The following GNG7 variants were observed in gnomAD, a reference collection of about 807,000 sequenced individuals.
The protein encoded by GNG7 is guanine nucleotide-binding protein G(I)/G(S)/G(O) subunit gamma-7.
GNG7 carries 1 observed loss-of-function variant against 4.0 expected under a neutral mutation model. The observed-to-expected ratio is 0.25, with a 90% CI of 0.09 to 1.18. GNG7 has a LOEUF of 1.18. Ranked by LOEUF, GNG7 falls within the 50% of genes most tolerant of loss-of-function variation. The pLI, the probability that GNG7 is intolerant of heterozygous loss-of-function variation, is 0.50. For missense variants in GNG7, 86 were observed against 91.9 expected (o/e 0.94, Z 0.26); for synonymous variants, 34 against 36.9 (o/e 0.92, Z 0.29).
At chr19:2,623,995 G>A (rs1322258156) in intron 2 of GNG7, among the ~76,000 whole-genome samples, 7 of 152,126 alleles carry the variant, frequency 4.6e-5, no homozygotes, top group Non-Finnish European at 1.0e-4. Flanking sequence ...CCTTTTGGCT[G>A]CTGTGAACAT....
chr19:2,583,139 T>G (rs987794136), intron 2 of GNG7, among the ~76,000 whole-genome samples: 26 of 152,108 alleles, frequency 1.7e-4, no homozygotes, highest in African/African-American at 4.8e-4. Context: ...AAATAGATAA[T>G]ATCCAGGGAT....
chr19:2,602,944 T>C (rs1282217572), intron 2 of GNG7, among the ~76,000 whole-genome samples: 1 of 149,936 alleles, frequency 6.7e-6, no homozygotes, highest in African/African-American at 2.5e-5. Flanking sequence ...CCTTTCTTCC[T>C]TTCTTTCTTT....
chr19:2,682,709 C>T (rs1480027861), intron 1 of GNG7, among the ~76,000 whole-genome samples: 1 of 151,252 alleles, frequency 6.6e-6, no homozygotes, highest in African/African-American at 2.4e-5. Flanking sequence ...AGGGGTCATC[C>T]CTGCCCCTGC....
At chr19:2,542,905 T>TTTTTG (rs1313851165) in intron 3 of GNG7, among the ~76,000 whole-genome samples, 4 of 125,802 alleles carry the variant, frequency 3.2e-5, no homozygotes, top group African/African-American at 6.1e-5. Context: ...TTTTTGGTGG[T>TTTTTG]TTTTGTTTTG....
intron 2 of GNG7, among the ~76,000 whole-genome samples, chr19:2,603,077 C>CT (rs902169443): frequency 1.8e-4 from 25 of 137,904 alleles, no homozygotes; most frequent in African/African-American, 2.1e-4. Flanking sequence ...CTGTTCTGTT[C>CT]TTTTTTTTGA....
At chr19:2,662,732 T>C (rs1178614785) in intron 1 of GNG7, among the ~76,000 whole-genome samples, 1 of 152,090 alleles carries the variant, frequency 6.6e-6, no homozygotes, top group Non-Finnish European at 1.5e-5. Context: ...TATGGAGGCT[T>C]TACTTCATAG....
chr19:2,625,730 C>T (rs746505427), intron 2 of GNG7, among the ~76,000 whole-genome samples: 10 of 152,112 alleles, frequency 6.6e-5, no homozygotes, highest in South Asian at 2.1e-4. Flanking sequence ...GCGCCCTCAC[C>T]GTGCTGGGCA....
At position 2,612,706 on chromosome 19, in the gene GNG7, A is replaced by ATTTT. The variant is rs1568262802; in HGVS notation, c.-78+33517_-78+33518insAAAA. Among the ~76,000 whole-genome samples the ATTTT allele has an allele frequency of 3.1e-3, 372 of 118,414 alleles. 23 individuals carry two copies. Among genetic ancestry groups the ATTTT allele is most frequent in the African/African-American group, 0.015 (319 of 21,588 alleles). The allele number at this position is 118,414 out of a possible 152,430, so 77.7% of individuals were successfully genotyped here. A position where few individuals can be genotyped will look rare whatever the true frequency, so the allele number is the denominator to read the frequency against. ...TTAGAATTTTTTTTTTTTTTTGAGA[A>ATTTT]ATTTTTTTTTTTTTTTTGAGAGTCT... On this transcript the variant is annotated intron_variant, in intron 2 of 4. Transcript: ENST00000382159.
Position 2,568,808 on chromosome 19 carries a change from A to G in GNG7, c.-77-13620T>C, listed in dbSNP as rs573493805. Among the ~76,000 whole-genome samples, 12 of 141,892 alleles carry G rather than the reference A, an allele frequency of 8.5e-5. No homozygotes were observed. The South Asian group carries it at 2.1e-3, about 25-fold the overall frequency. 93.1% of individuals were successfully genotyped at this position (141,892 alleles called of 152,430 possible). ...TACACACATATACACGCACATATAT[A>G]CACACACATATACACACAAATATAT... On this transcript the variant is annotated intron_variant, in intron 2 of 4. Transcript: ENST00000382159.
At chr19:2,682,276 G>A (rs531303048) in intron 1 of GNG7, among the ~76,000 whole-genome samples, 3 of 152,292 alleles carry the variant, frequency 2.0e-5, no homozygotes, top group South Asian at 2.1e-4. Context: ...GGAAGCCGGA[G>A]TTTTACCTGG....
At chr19:2,518,757 C>T (rs1277761567) in intron 4 of GNG7, among the ~76,000 whole-genome samples, 3 of 151,974 alleles carry the variant, frequency 2.0e-5, no homozygotes, top group East Asian at 1.9e-4. Flanking sequence ...TGCACTAGGG[C>T]GGGCCATGGT....
chr19:2,544,931 G>T (rs1353070732), intron 3 of GNG7, among the ~76,000 whole-genome samples: 2 of 152,174 alleles, frequency 1.3e-5, no homozygotes, highest in Non-Finnish European at 2.9e-5. Flanking sequence ...GGAAAATGGG[G>T]TTCAATCCCT....
At chr19:2,690,740 C>G (rs867303998) in intron 1 of GNG7, among the ~76,000 whole-genome samples, 2 of 152,106 alleles carry the variant, frequency 1.3e-5, no homozygotes, top group Admixed American at 6.6e-5. Flanking sequence ...GTTACAGGCA[C>G]GCACCACCAC....
Position 2,627,587 on chromosome 19 carries a change from C to T in GNG7, c.-78+18637G>A, listed in dbSNP as rs140308402. On this transcript the variant is annotated intron_variant, in intron 2 of 4. Coordinates refer to ENST00000382159, the MANE Select transcript of GNG7 (RefSeq NM_052847.3). The stretch of plus-strand genomic sequence containing the variant: ...TCCCGGCTGATTCTGAATTCCCAGT[C>T]TCACATGGGCCAGAGGGTGACTGGC... Among the ~76,000 whole-genome samples the T allele has an allele frequency of 3.3e-3, 506 of 152,364 alleles. 3 individuals carry two copies. Among genetic ancestry groups the T allele is most frequent in the African/African-American group, 0.011 (465 of 41,588 alleles).
intron 2 of GNG7, among the ~76,000 whole-genome samples, chr19:2,628,406 C>T (rs1450496854): frequency 6.6e-6 from 1 of 152,132 alleles, no homozygotes; most frequent in Admixed American, 6.5e-5. Flanking sequence ...AGGCTACTCT[C>T]AGGTGTCTGC....
intron 3 of GNG7, among the ~76,000 whole-genome samples, chr19:2,530,366 T>C (rs1031281486): frequency 6.8e-6 from 1 of 146,730 alleles, no homozygotes; most frequent in Admixed American, 6.9e-5. Flanking sequence ...TGAGCTGAGA[T>C]TGTGCCACTG....
At position 2,520,599 on chromosome 19, in the gene GNG7, T is replaced by C; in HGVS notation, c.81+9A>G. 6.6e-7 allele frequency: 1 copy of C among 1,507,792 alleles called. No individual in the cohort carries two copies. The highest frequency in any genetic ancestry group is 9.0e-7 in the Non-Finnish European group (1 of 1,106,200). The allele number at this position is 1,507,792 out of a possible 1,614,324, so 93.4% of individuals were successfully genotyped here. ...CTCCCCTCCTCTTCCTGATGCCCGCTGGGCTCACCTTGATGCGCTCAATCC... is the reference window on the plus strand; with the variant it reads ...CTCCCCTCCTCTTCCTGATGCCCGCCGGGCTCACCTTGATGCGCTCAATCC... On this transcript the variant is annotated intron_variant, in intron 4 of 4. Transcript: ENST00000382159.
intron 2 of GNG7, among the ~76,000 whole-genome samples, chr19:2,587,986 C>G (rs1000454784): frequency 1.3e-5 from 2 of 152,078 alleles, no homozygotes; most frequent in Non-Finnish European, 2.9e-5. Flanking sequence ...TGGCCACTCT[C>G]ACTGTTTCTA....
chr19:2,687,611 C>T (rs1048893134), intron 1 of GNG7, among the ~76,000 whole-genome samples: 11 of 151,698 alleles, frequency 7.3e-5, no homozygotes, highest in African/African-American at 2.7e-4. Flanking sequence ...AGTGAAACTC[C>T]ATCTCAAAAA....
Sources: allele counts gnomAD v4.1 joint callset (sites outside exome capture counted in the v4.1 genomes callset), GRCh38; gene constraint gnomAD v4.1.1; transcripts MANE v1.5; gene names NCBI Gene and HGNC (gene_info 2026-07-23, HGNC 2026-07-21).